PIGN: variants seen among roughly 807,000 people sequenced by gnomAD.
PIGN encodes the protein GPI ethanolamine phosphate transferase 1.
PIGN carries 117 observed loss-of-function variants against 125.4 expected under a neutral mutation model. The observed-to-expected ratio is 0.93, with a 90% CI of 0.80 to 1.09. The LOEUF (loss-of-function observed/expected upper bound fraction) is 1.09, where lower values mean the gene tolerates loss of function less well. Ranked by LOEUF, PIGN falls within the 50% of genes least tolerant of loss-of-function variation. The pLI, the probability that PIGN is intolerant of heterozygous loss-of-function variation, is 0.00. For synonymous variants in PIGN, 392 were observed against 377.8 expected (o/e 1.04, Z -0.44); for missense variants, 1,075 against 1,094.9 (o/e 0.98, Z 0.26).
At chr18:62,169,408 T>C (rs950864779) in intron 1 of PIGN, among the ~76,000 whole-genome samples, 1 of 152,216 alleles carries the variant, frequency 6.6e-6, no homozygotes, top group Admixed American at 6.5e-5. Context: ...AAAGCTGCTA[T>C]GAAGAATCAC....
chr18:62,091,132 G>A (rs180725097), intron 23 of PIGN, among the ~76,000 whole-genome samples: 3 of 152,206 alleles, frequency 2.0e-5, no homozygotes, highest in Admixed American at 1.3e-4. Flanking sequence ...GGCAGATCCC[G>A]AGGTCAGGAG....
chr18:62,083,416 G>A (rs529370633), intron 27 of PIGN, among the ~76,000 whole-genome samples: 121 of 152,108 alleles, frequency 8.0e-4, no homozygotes, highest in African/African-American at 2.8e-3. Flanking sequence ...TCAAAACAGG[G>A]GGAGATATGG....
intron 14 of PIGN, among the ~76,000 whole-genome samples, chr18:62,120,282 T>C (rs377580686): frequency 6.6e-6 from 1 of 152,188 alleles, no homozygotes; most frequent in Non-Finnish European, 1.5e-5. Context: ...ACAGGAATGA[T>C]GGAATGACAT....
chr18:62,052,293 A>C (rs1441280305), intron 30 of PIGN: 1 of 151,438 alleles, frequency 6.6e-6, no homozygotes, highest in Non-Finnish European at 1.5e-5. Context: ...TCTAATGTTG[A>C]CAGTGGGGTG....
chr18:62,078,359 G>A (rs894957379), intron 28 of PIGN, among the ~76,000 whole-genome samples: 1 of 152,178 alleles, frequency 6.6e-6, no homozygotes, highest in Non-Finnish European at 1.5e-5. Context: ...ACCATTCTGT[G>A]GAAACTGAAG....
chr18:62,147,771 T>C (rs28397817), intron 8 of PIGN, among the ~76,000 whole-genome samples: 3,126 of 152,290 alleles, frequency 0.021, 97 homozygotes, highest in East Asian at 0.12. Context: ...AGGAGTGTTA[T>C]TGAATTATGG....
chr18:62,110,582 G>A (rs2034836829), intron 16 of PIGN, among the ~76,000 whole-genome samples: 1 of 152,054 alleles, frequency 6.6e-6, no homozygotes, highest in Admixed American at 6.6e-5. Context: ...AATCTGGGTA[G>A]TCCTCATTCA....
intron 23 of PIGN, among the ~76,000 whole-genome samples, chr18:62,030,459 G>A (rs576961666): frequency 6.6e-6 from 1 of 152,296 alleles, no homozygotes; most frequent in East Asian, 1.9e-4. Flanking sequence ...CAACTTCCTG[G>A]TTTCAATTGG....
intron 23 of PIGN, among the ~76,000 whole-genome samples, chr18:62,030,843 G>A (rs1053521303): frequency 6.6e-6 from 1 of 152,208 alleles, no homozygotes. Context: ...GCCGGGTACA[G>A]TGTCATGCAC....
chr18:62,050,921 A>C (rs2031226692), intron 30 of PIGN, among the ~76,000 whole-genome samples: 1 of 151,262 alleles, frequency 6.6e-6, no homozygotes, highest in Non-Finnish European at 1.5e-5. Context: ...CGGTTGTTGA[A>C]TTTTGTCAAA....
At chr18:62,130,388 A>G (rs2035688278) in intron 14 of PIGN, among the ~76,000 whole-genome samples, 1 of 152,190 alleles carries the variant, frequency 6.6e-6, no homozygotes, top group South Asian at 2.1e-4. Context: ...AGATATGGAT[A>G]AACTAATGAA....
At chr18:62,103,694 AAG>A (rs2034532874) in intron 20 of PIGN, 2 of 152,230 alleles carry the variant, frequency 1.3e-5, no homozygotes, top group African/African-American at 2.4e-5. Flanking sequence ...AGAAAAAAGA[AAG>A]AGCAAAAAGC....
rs1491290673 is a variant in PIGN, at chr18:62,086,619, T to TG, written c.2371-1356_2371-1355insC. On this transcript the variant is annotated intron_variant, in intron 25 of 30. Transcript: ENST00000640252. ...TGACAGAGTAAGACTCCGTTTTTTG[T>TG]TTTTTTTTTTTTTTTAAAAAGCCTG... Among the ~76,000 whole-genome samples, 11 of 24,992 alleles carry TG rather than the reference T, an allele frequency of 4.4e-4. No homozygotes were observed. In the African/African-American group the frequency reaches 7.6e-3, roughly 17 times the overall value. 16.4% of individuals were successfully genotyped at this position (24,992 alleles called of 152,430 possible).
At chr18:62,074,248 G>A (rs1345579398) in intron 29 of PIGN, among the ~76,000 whole-genome samples, 5 of 152,222 alleles carry the variant, frequency 3.3e-5, no homozygotes, top group African/African-American at 1.2e-4. Context: ...GCTGAGGGTG[G>A]TCTTGGGAAC....
At chr18:62,034,384 G>A (rs2030231322) in intron 23 of PIGN, among the ~76,000 whole-genome samples, 1 of 152,140 alleles carries the variant, frequency 6.6e-6, no homozygotes, top group Non-Finnish European at 1.5e-5. Flanking sequence ...CTGCCTAGTG[G>A]AGCTGTAAGA....
At chr18:62,089,054 T>C (rs1005328756) in intron 24 of PIGN, among the ~76,000 whole-genome samples, 2 of 152,142 alleles carry the variant, frequency 1.3e-5, no homozygotes, top group Admixed American at 6.5e-5. Flanking sequence ...TTGCTAATAA[T>C]ATATAGAACA....
At chr18:62,099,026 G>A (rs138717009) in intron 22 of PIGN, among the ~76,000 whole-genome samples, 1 of 152,062 alleles carries the variant, frequency 6.6e-6, no homozygotes, top group African/African-American at 2.4e-5. Context: ...TCTTCAATTT[G>A]TTGTAGTAGA....
intron 7 of PIGN, chr18:62,153,652 T>C (rs1401565777): frequency 6.6e-6 from 1 of 152,154 alleles, no homozygotes; most frequent in African/African-American, 2.4e-5. Flanking sequence ...GACAAAAGTA[T>C]ATATTAAAAG....
intron 4 of PIGN, among the ~76,000 whole-genome samples, chr18:62,159,940 C>T (rs965522961): frequency 6.6e-6 from 1 of 152,084 alleles, no homozygotes; most frequent in Non-Finnish European, 1.5e-5. Context: ...GGTGAAATCC[C>T]GTCTCTACCA....
Sources: gnomAD v4.1 joint callset for allele counts (sites outside exome capture counted in the v4.1 genomes callset) on GRCh38, gnomAD v4.1.1 for gene constraint, MANE v1.5 for transcripts, NCBI Gene and HGNC (gene_info 2026-07-23, HGNC 2026-07-21) for gene names.